The following PTPRQ variants were observed in gnomAD, a reference collection of about 807,000 sequenced individuals.
The protein encoded by PTPRQ is phosphatidylinositol phosphatase PTPRQ.
Under a neutral mutation model 246.0 loss-of-function variants are expected in PTPRQ, and 199 were observed. The ratio of observed to expected loss-of-function variants is 0.81; its 90% confidence interval spans 0.72 to 0.91. The LOEUF (loss-of-function observed/expected upper bound fraction) is 0.91, where lower values mean the gene tolerates loss of function less well. PTPRQ is among the 40% of genes least tolerant of loss of function. The probability of loss-of-function intolerance (pLI) is 0.00; values close to 1 mark genes in which losing one functional copy is unlikely to be tolerated. For synonymous variants in PTPRQ, 869 were observed against 853.2 expected, an observed-to-expected ratio of 1.02 and a Z score of -0.32; for missense variants, 2,624 against 2,528.4, an observed-to-expected ratio of 1.04 and a Z score of -0.81.
Position 80,542,194 on chromosome 12 carries a change from A to G in PTPRQ, c.3551A>G (p.Tyr1184Cys). The stretch of plus-strand genomic sequence containing the variant: ...AAGCCAAATGGTGCAATAATAAGTT[A>G]TGATTTAACTTTACAAGGACCAAAT... ...PVKPNGAIIS[Y>C]DLTLQGPNEN... The change falls in exon 22 of 45, where the codon TAT (tyrosine) becomes TGT (cysteine). Residue 1184 changes from tyrosine to cysteine, a missense_variant. By Grantham distance (194) the Tyr-to-Cys change is radical. Coordinates refer to ENST00000644991, the MANE Select transcript of PTPRQ (RefSeq NM_001145026.2). The G allele has an allele frequency of 6.4e-7, 1 of 1,551,170 alleles. No homozygotes were observed. The highest frequency in any genetic ancestry group is 8.7e-7 in the Non-Finnish European group (1 of 1,146,650).
chr12:80,633,337 T>C (rs1044847057), intron 34 of PTPRQ, among the ~76,000 whole-genome samples: 5 of 152,360 alleles, frequency 3.3e-5, no homozygotes, highest in African/African-American at 1.2e-4. Flanking sequence ...CCTTATATGG[T>C]AGACCCCCTT....
rs10652830 is a variant in PTPRQ at position 80,652,856 on chromosome 12, G to GGT, written c.6115+23_6115+24dup. On this transcript the variant is annotated intron_variant, in intron 38 of 44. Coordinates refer to ENST00000644991, the MANE Select transcript of PTPRQ (RefSeq NM_001145026.2). ...CCATGTATGTGCATTTGTTGGTTTT[G>GGT]GTTTAGCTAGGAAATATTTTTAAAT... is the stretch of plus-strand genomic sequence containing the variant. The GGT allele has an allele frequency of 0.063, 90,968 of 1,446,346 alleles. 3,745 individuals are homozygous for GGT. The highest frequency in any genetic ancestry group is 0.19 in the South Asian group (11,403 of 60,294). The allele number at this position is 1,446,346 out of a possible 1,614,324, so 89.6% of individuals were successfully genotyped here.
intron 25 of PTPRQ, among the ~76,000 whole-genome samples, chr12:80,563,020 A>G (rs1896873290): frequency 6.6e-6 from 1 of 152,288 alleles, no homozygotes; most frequent in Admixed American, 6.5e-5. Context: ...TCTTCAGGAA[A>G]CACACCTACT....
Position 80,605,184 on chromosome 12 carries a change from A to G in PTPRQ, c.4731+4A>G. The stretch of plus-strand genomic sequence containing the variant: ...TTATCTGATTGATGTCAAATCGGTA[A>G]GGCATGTCTTACCTTCTGTAAAAGC... On this transcript the variant is annotated splice_donor_region_variant and intron_variant, in intron 27 of 44. Transcript: ENST00000644991. 6.5e-7 allele frequency: 1 copy of G among 1,540,462 alleles called. No homozygotes were observed. The highest frequency in any genetic ancestry group is 8.8e-7 in the Non-Finnish European group (1 of 1,141,002).
At position 80,618,360 on chromosome 12, in the gene PTPRQ, TCACACACA is replaced by T. The variant is rs3071377; in HGVS notation, c.5231-987_5231-980del. Among the ~76,000 whole-genome samples, 1,143 of 125,626 alleles carry T rather than the reference TCACACACA, an allele frequency of 9.1e-3. 13 individuals carry two copies. Among genetic ancestry groups the T allele is most frequent in the African/African-American group, 0.029 (1,030 of 36,008 alleles). 82.4% of individuals were successfully genotyped at this position (125,626 alleles called of 152,430 possible). On this transcript the variant is annotated intron_variant, in intron 30 of 44. Transcript: ENST00000644991. Reference sequence around the variant, plus strand: ...ACTTACTGATGCTCAAGCACTACATTCACACACACACACACACACACACACACACACAC... The same window carrying T: ...ACTTACTGATGCTCAAGCACTACATTCACACACACACACACACACACACAC...
chr12:80,524,028 G>C (rs931207291), intron 17 of PTPRQ, among the ~76,000 whole-genome samples: 7 of 152,086 alleles, frequency 4.6e-5, no homozygotes, highest in Non-Finnish European at 2.9e-5. Flanking sequence ...GAAGGACTTG[G>C]TTTATGAATC....
chr12:80,518,815 T>C (rs139002303), intron 17 of PTPRQ, among the ~76,000 whole-genome samples: 2,980 of 152,244 alleles, frequency 0.02, 96 homozygotes, highest in African/African-American at 0.066. Flanking sequence ...CTGCGTTCTC[T>C]ATTCTGTTCC....
intron 8 of PTPRQ, among the ~76,000 whole-genome samples, chr12:80,473,029 ACACACACT>A (rs926435493): frequency 1.0e-5 from 1 of 95,368 alleles, no homozygotes; most frequent in African/African-American, 3.4e-5. Context: ...GTATACACAC[ACACACACT>A]CACACACACG....
chr12:80,474,331 A>G lies in PTPRQ; in HGVS notation c.1186+2080A>G, dbSNP rs1288907166. Reference sequence around the variant, plus strand: ...CAGTCTATCATCTATTTAAAAAATAATTAGGACTAGTTTGCTTCTTTTAAA... The same window carrying G: ...CAGTCTATCATCTATTTAAAAAATAGTTAGGACTAGTTTGCTTCTTTTAAA... On this transcript the variant is annotated intron_variant, in intron 8 of 44. Coordinates refer to ENST00000644991, the MANE Select transcript of PTPRQ (RefSeq NM_001145026.2). Among the ~76,000 whole-genome samples the G allele has an allele frequency of 5.3e-5, 8 of 152,210 alleles. No individual in the cohort carries two copies. In the East Asian group the frequency reaches 1.5e-3, roughly 29 times the overall value.
intron 44 of PTPRQ, 33 bp from the exon 45 acceptor site, chr12:80,678,953 C>G: frequency 2.6e-6 from 4 of 1,525,140 alleles, no homozygotes; most frequent in Non-Finnish European, 3.5e-6. Context: ...TTAACTTCAA[C>G]ACTCTCTTGT....
At chr12:80,668,815 T>G (rs561998929) in intron 39 of PTPRQ, among the ~76,000 whole-genome samples, 192 bp from the exon 40 acceptor site, 2 of 152,040 alleles carry the variant, frequency 1.3e-5, no homozygotes, top group East Asian at 3.9e-4. Flanking sequence ...AACCATTTGT[T>G]GTGTAGTATA....
At chr12:80,479,630 C>T (rs1427192064) in intron 8 of PTPRQ, among the ~76,000 whole-genome samples, 4 of 138,902 alleles carry the variant, frequency 2.9e-5, no homozygotes, top group African/African-American at 1.1e-4. Flanking sequence ...TTCAGGAAAC[C>T]CATCTCACGT....
intron 8 of PTPRQ, among the ~76,000 whole-genome samples, chr12:80,480,891 C>T (rs1469743827): frequency 2.0e-5 from 3 of 152,082 alleles, no homozygotes; most frequent in Non-Finnish European, 4.4e-5. Context: ...AATAGCTTAC[C>T]AACCAAAAAG....
intron 35 of PTPRQ, among the ~76,000 whole-genome samples, chr12:80,636,554 C>A (rs577430123): frequency 8.5e-5 from 13 of 152,236 alleles, no homozygotes; most frequent in African/African-American, 2.9e-4. Flanking sequence ...GCCTGTGTGG[C>A]CCATCCCTTT....
intron 25 of PTPRQ, among the ~76,000 whole-genome samples, chr12:80,582,522 C>T (rs1897476294): frequency 6.6e-6 from 1 of 152,110 alleles, no homozygotes; most frequent in South Asian, 2.1e-4. Flanking sequence ...AAAAAGAATG[C>T]AGAGAGCTCT....
At chr12:80,452,266 G>A (rs1892789620) in intron 3 of PTPRQ, among the ~76,000 whole-genome samples, 1 of 150,298 alleles carries the variant, frequency 6.7e-6, no homozygotes, top group Non-Finnish European at 1.5e-5. Context: ...GTCTCTGCAT[G>A]TGAGATGGGT....
chr12:80,669,136 G>T lies in PTPRQ; in HGVS notation c.6322G>T (p.Gly2108Ter), dbSNP rs1474481095. ...AATGCTAACACAGTGTTTTGAAAAAGGACGGGTAAGTTATTTGAAAATGTT... is the reference window on the plus strand; with the variant it reads ...AATGCTAACACAGTGTTTTGAAAAATGACGGGTAAGTTATTTGAAAATGTT... ...LVMLTQCFEK[G>*]RIRCHQYWPE... The change falls in exon 40 of 45, where the codon GGA becomes TGA. Residue 2108 changes from glycine to a stop codon, truncating the protein, a stop_gained. Transcript: ENST00000644991. LOFTEE classifies it high-confidence loss of function. The T allele has an allele frequency of 6.5e-7, 1 of 1,544,444 alleles. No individual in the cohort carries two copies. Among genetic ancestry groups the T allele is most frequent in the African/African-American group, 1.4e-5 (1 of 72,552 alleles).
At chr12:80,635,930 A>G (rs1320632164) in intron 35 of PTPRQ, among the ~76,000 whole-genome samples, 1 of 152,186 alleles carries the variant, frequency 6.6e-6, no homozygotes, top group African/African-American at 2.4e-5. Context: ...ATGGCATCAA[A>G]TGTCTTGGAC....
Position 80,455,098 on chromosome 12 carries a change from G to A in PTPRQ, c.391-2477G>A, listed in dbSNP as rs192574894. ...TGAGGCAGGAGAGTCACTTGAACCC[G>A]GGAGGCAGAGGTTGCAGTGAGCTGA... On this transcript the variant is annotated intron_variant, in intron 3 of 44. Transcript: ENST00000644991. 2.3e-3 allele frequency among the ~76,000 whole-genome samples: 343 copies of A among 152,256 alleles called. 1 individual carries two copies. Among genetic ancestry groups the A allele is most frequent in the Middle Eastern group, 6.8e-3 (2 of 294 alleles).
Sources: gnomAD v4.1 joint callset for allele counts (sites outside exome capture counted in the v4.1 genomes callset) on GRCh38, gnomAD v4.1.1 for gene constraint, MANE v1.5 for transcripts, NCBI Gene and HGNC (gene_info 2026-07-23, HGNC 2026-07-21) for gene names.